The following KLHL7 variants were observed in gnomAD, a reference collection of about 807,000 sequenced individuals.
KLHL7 encodes the protein kelch like family member 7.
A neutral mutation model predicts 67.4 loss-of-function variants in KLHL7; 44 were observed. That is an observed-to-expected ratio of 0.65 (90% CI 0.51 to 0.84). KLHL7 has a LOEUF of 0.84. KLHL7 is among the 40% of genes least tolerant of loss of function. KLHL7 has a pLI of 0.00. For synonymous variants in KLHL7, 252 were observed against 243.3 expected (o/e 1.04, Z -0.33); for missense variants, 362 against 718.1 (o/e 0.50, Z 5.67).
chr7:23,145,334 TTTTA>T (rs1784323661), intron 6 of KLHL7, among the ~76,000 whole-genome samples: 1 of 152,126 alleles, frequency 6.6e-6, no homozygotes, highest in South Asian at 2.1e-4. Context: ...TTTCTGGAGT[TTTTA>T]TTCTCTAATT....
chr7:23,136,646 C>T (rs1203613630), intron 4 of KLHL7, among the ~76,000 whole-genome samples: 6 of 152,176 alleles, frequency 3.9e-5, no homozygotes, highest in Non-Finnish European at 5.9e-5. Context: ...ACACAGGCCA[C>T]GTCCCCTGAT....
chr7:23,159,042 T>C (rs572479203), intron 7 of KLHL7, among the ~76,000 whole-genome samples: 1 of 152,276 alleles, frequency 6.6e-6, no homozygotes, highest in South Asian at 2.1e-4. Context: ...AAATTTTTCA[T>C]AAAAGCCCCC....
At chr7:23,111,362 A>C (rs1782862488) in intron 1 of KLHL7, among the ~76,000 whole-genome samples, 1 of 152,236 alleles carries the variant, frequency 6.6e-6, no homozygotes, top group African/African-American at 2.4e-5. Context: ...ACAGAACATA[A>C]GGCGGACGAT....
At chr7:23,169,711 T>C (rs1489584580) in intron 9 of KLHL7, among the ~76,000 whole-genome samples, 1 of 152,226 alleles carries the variant, frequency 6.6e-6, no homozygotes, top group African/African-American at 2.4e-5. Flanking sequence ...CTGCAGCTTC[T>C]GTATTTTTTA....
intron 7 of KLHL7, among the ~76,000 whole-genome samples, chr7:23,155,094 C>T (rs568781109): frequency 6.6e-6 from 1 of 152,164 alleles, no homozygotes; most frequent in Non-Finnish European, 1.5e-5. Context: ...CCGCTCTTGG[C>T]TCAGACATCA....
chr7:23,143,858 A>ATGC lies in KLHL7; in HGVS notation c.630_632dup (p.Ala211dup). On this transcript the variant is annotated inframe_insertion, in exon 6 of 11. Coordinates refer to ENST00000339077, the MANE Select transcript of KLHL7 (RefSeq NM_001031710.3). ...GCTGTTTTTCCCCCTTAGGTTTATG[A>ATGC]TGCTGCAGTCAGGTGGTTGAAATAC... 1.2e-6 allele frequency: 2 copies of ATGC among 1,614,082 alleles called. No homozygotes were observed. The highest frequency in any genetic ancestry group is 1.7e-6 in the Non-Finnish European group (2 of 1,179,952).
intron 1 of KLHL7, among the ~76,000 whole-genome samples, chr7:23,121,852 T>A (rs2128459507): frequency 6.6e-6 from 1 of 152,080 alleles, no homozygotes; most frequent in South Asian, 2.1e-4. Context: ...CTGGCTAATT[T>A]TTTGTATTTT....
chr7:23,114,737 TGGATA>T (rs1410546963), intron 1 of KLHL7, among the ~76,000 whole-genome samples: 7 of 152,222 alleles, frequency 4.6e-5, no homozygotes, highest in African/African-American at 1.7e-4. Context: ...TTGAAATGGG[TGGATA>T]ACTATTAACA....
chr7:23,113,758 G>T (rs577296551), intron 1 of KLHL7, among the ~76,000 whole-genome samples: 1 of 152,122 alleles, frequency 6.6e-6, no homozygotes, highest in African/African-American at 2.4e-5. Flanking sequence ...CCCAGGAGGC[G>T]GAAGTTGTTG....
chr7:23,124,820 TG>T (rs757166736), intron 3 of KLHL7, 39 bp downstream of exon 3: 7 of 1,338,242 alleles, frequency 5.2e-6, no homozygotes, highest in Non-Finnish European at 7.5e-6. Flanking sequence ...GAAGTAATGT[TG>T]GTATCTACCA....
intron 9 of KLHL7, among the ~76,000 whole-genome samples, chr7:23,169,075 A>G (rs1182344149): frequency 6.6e-6 from 1 of 152,170 alleles, no homozygotes; most frequent in East Asian, 1.9e-4. Flanking sequence ...AGCCTGGCCA[A>G]CATGGCAAAA....
chr7:23,147,422 T>C (rs1242849083), intron 6 of KLHL7, among the ~76,000 whole-genome samples: 2 of 152,162 alleles, frequency 1.3e-5, no homozygotes, highest in Non-Finnish European at 1.5e-5. Context: ...CTTTTTTCCT[T>C]GCTTGTGTTT....
intron 4 of KLHL7, chr7:23,126,018 CA>C: frequency 2.8e-6 from 2 of 706,892 alleles, no homozygotes; most frequent in Non-Finnish European, 5.1e-6. Context: ...AGATTAACAA[CA>C]ATAATAATAA....
intron 7 of KLHL7, chr7:23,156,019 G>A (rs550952644): frequency 2.1e-5 from 10 of 465,678 alleles, no homozygotes; most frequent in Admixed American, 9.7e-5. Context: ...TCTTCTACAC[G>A]AGCCTGGAAG....
intron 1 of KLHL7, among the ~76,000 whole-genome samples, chr7:23,107,132 C>A (rs1782677894): frequency 6.6e-6 from 1 of 152,288 alleles, no homozygotes; most frequent in East Asian, 1.9e-4. Flanking sequence ...TATAAGCAAA[C>A]GCTGACTGCT....
In KLHL7 at chr7:23,174,642, T is replaced by G; in HGVS notation, c.*344T>G. 4.3e-6 allele frequency: 2 copies of G among 469,630 alleles called. No homozygotes were observed. The allele number at this position is 469,630 out of a possible 1,614,324, so 29.1% of individuals were successfully genotyped here. On this transcript the variant is annotated 3_prime_UTR_variant, in exon 11 of 11. Transcript: ENST00000339077. Reference sequence around the variant, plus strand: ...TGAAGCGCAGTATCTTAGCTCTAGATTCTATTTTCATGCATCACAGAAGTG... The same window carrying G: ...TGAAGCGCAGTATCTTAGCTCTAGAGTCTATTTTCATGCATCACAGAAGTG...
At chr7:23,117,378 T>G (rs1430328415) in intron 1 of KLHL7, among the ~76,000 whole-genome samples, 1 of 150,054 alleles carries the variant, frequency 6.7e-6, no homozygotes, top group East Asian at 1.9e-4. Flanking sequence ...CTGAGAGAAC[T>G]GTTTTAACCT....
intron 2 of KLHL7, among the ~76,000 whole-genome samples, chr7:23,124,454 G>T (rs1208679337): frequency 1.3e-5 from 2 of 152,040 alleles, no homozygotes; most frequent in Admixed American, 6.6e-5. Context: ...TGTTAATATG[G>T]TCTTAAAAAG....
intron 1 of KLHL7, among the ~76,000 whole-genome samples, chr7:23,111,584 G>A (rs1782872073): frequency 1.3e-5 from 2 of 152,212 alleles, no homozygotes; most frequent in South Asian, 4.2e-4. Context: ...ACTTTGGGAG[G>A]CTGAGACAGG....
Sources: gnomAD v4.1 joint callset for allele counts (sites outside exome capture counted in the v4.1 genomes callset) on GRCh38, gnomAD v4.1.1 for gene constraint, MANE v1.5 for transcripts, NCBI Gene and HGNC (gene_info 2026-07-23, HGNC 2026-07-21) for gene names.